Variants in SLC17A6 observed in about 807,000 individuals in gnomAD.
SLC17A6 encodes vesicular glutamate transporter 2.
SLC17A6 carries 35 observed loss-of-function variants against 67.1 expected under a neutral mutation model. The observed-to-expected ratio is 0.52, with a 90% CI of 0.40 to 0.69. The LOEUF is 0.69. SLC17A6 is among the 30% of genes least tolerant of loss of function. The pLI, the probability that SLC17A6 is intolerant of heterozygous loss-of-function variation, is 0.00. For missense variants in SLC17A6, 588 were observed against 723.9 expected, an observed-to-expected ratio of 0.81 and a Z score of 2.15; for synonymous variants, 285 against 252.3, an observed-to-expected ratio of 1.13 and a Z score of -1.23.
At chr11:22,345,688 A>C (rs1855868570) in intron 3 of SLC17A6, among the ~76,000 whole-genome samples, 1 of 152,190 alleles carries the variant, frequency 6.6e-6, no homozygotes, top group Non-Finnish European at 1.5e-5. Context: ...ATCTTGCCTG[A>C]AGATTCTGAC....
intron 3 of SLC17A6, among the ~76,000 whole-genome samples, chr11:22,350,251 A>G (rs1000755455): frequency 6.6e-6 from 1 of 152,140 alleles, no homozygotes; most frequent in Non-Finnish European, 1.5e-5. Context: ...ACACCTCTTG[A>G]TTTTGGCAAT....
intron 1 of SLC17A6, 31 bp from the exon 2 acceptor site, chr11:22,341,497 G>T (rs1008002258): frequency 6.2e-7 from 1 of 1,605,514 alleles, no homozygotes; most frequent in African/African-American, 1.3e-5. Context: ...AAGCCGCCAA[G>T]TCCTTGACTC....
chr11:22,349,327 C>T (rs1455641481), intron 3 of SLC17A6, among the ~76,000 whole-genome samples: 2 of 152,092 alleles, frequency 1.3e-5, no homozygotes, highest in East Asian at 1.9e-4. Flanking sequence ...CATCTAGCTG[C>T]CAATCAAACA....
At chr11:22,360,305 GAC>G (rs916958976) in intron 4 of SLC17A6, among the ~76,000 whole-genome samples, 17 of 151,852 alleles carry the variant, frequency 1.1e-4, no homozygotes, top group Admixed American at 2.6e-4. Context: ...GGAGGGGAAC[GAC>G]ACACACTGCA....
At position 22,377,670 on chromosome 11, in the gene SLC17A6, A is replaced by G. The variant is rs777572465; in HGVS notation, c.1679A>G (p.Lys560Arg). The change falls in exon 12 of 12, where the codon AAG becomes AGG. Residue 560 changes from lysine to arginine, a missense_variant. This residue lies in a region of SLC17A6 where 414 missense variants were observed against 563.4 expected (regional missense o/e 0.73). Transcript: ENST00000263160. Reference sequence around the variant, plus strand: ...GGAGGTTGGCCTAGTGGTTGGGAAAAGAAAGAGGAATTTGTACAAGGAGAA... The same window carrying G: ...GGAGGTTGGCCTAGTGGTTGGGAAAGGAAAGAGGAATTTGTACAAGGAGAA... ...ANGGWPSGWE[K>R]KEEFVQGEVQ... 6.2e-7 allele frequency: 1 copy of G among 1,613,162 alleles called. No homozygotes were observed. Among genetic ancestry groups the G allele is most frequent in the Admixed American group, 1.7e-5 (1 of 59,796 alleles).
At chr11:22,374,458 C>A (rs113607332) in intron 8 of SLC17A6, among the ~76,000 whole-genome samples, 8 of 151,688 alleles carry the variant, frequency 5.3e-5, no homozygotes, top group African/African-American at 1.9e-4. Flanking sequence ...AGGGTGTATT[C>A]GTGCAAACAC....
chr11:22,338,886 T>C (rs77408251), intron 1 of SLC17A6, among the ~76,000 whole-genome samples: 24,041 of 149,458 alleles, frequency 0.16, 2,360 homozygotes, highest in East Asian at 0.47. Flanking sequence ...AGAGTTTTTG[T>C]CCTTTACTAC....
intron 3 of SLC17A6, among the ~76,000 whole-genome samples, chr11:22,352,150 A>C (rs890547005): frequency 1.4e-5 from 2 of 146,754 alleles, no homozygotes; most frequent in Non-Finnish European, 3.0e-5. Context: ...TCAGAGGCTG[A>C]TGAGGATCTA....
chr11:22,345,806 A>T (rs994778759), intron 3 of SLC17A6, among the ~76,000 whole-genome samples: 32 of 152,286 alleles, frequency 2.1e-4, no homozygotes, highest in African/African-American at 7.0e-4. Flanking sequence ...TGTTATAACA[A>T]TATTGCACAT....
intron 1 of SLC17A6, among the ~76,000 whole-genome samples, chr11:22,341,038 T>C (rs1055932992): frequency 2.0e-5 from 3 of 152,174 alleles, no homozygotes; most frequent in African/African-American, 7.2e-5. Flanking sequence ...GGCTCTCTAG[T>C]TGGGCCCGCC....
At chr11:22,372,450 G>A (rs1407511307) in intron 8 of SLC17A6, among the ~76,000 whole-genome samples, 1 of 150,888 alleles carries the variant, frequency 6.6e-6, no homozygotes, top group African/African-American at 2.4e-5. Flanking sequence ...ACATATTCAG[G>A]CCCTTGAAAA....
At chr11:22,355,458 G>A (rs974844314) in intron 3 of SLC17A6, among the ~76,000 whole-genome samples, 5 of 152,092 alleles carry the variant, frequency 3.3e-5, no homozygotes, top group African/African-American at 1.2e-4. Context: ...GAACTTAGGT[G>A]GTTGTTAACC....
At chr11:22,344,048 A>G (rs919425236) in intron 3 of SLC17A6, among the ~76,000 whole-genome samples, 2 of 152,034 alleles carry the variant, frequency 1.3e-5, no homozygotes, top group African/African-American at 4.8e-5. Context: ...CATAAGACCT[A>G]AGGACCGATG....
chr11:22,341,772 A>G lies in SLC17A6; in HGVS notation c.331A>G (p.Ile111Val), dbSNP rs1230112951. The stretch of plus-strand genomic sequence containing the variant: ...CACCATCCACCGCGGGGGCAAGGTC[A>G]TCAAGGAGGTGGGCAACGTCTGGCC... Reference protein sequence around the residue: ...NSTIHRGGKVIKEKAKFNWDP... With the variant: ...NSTIHRGGKVVKEKAKFNWDP... The change falls in exon 2 of 12, where the codon ATC (isoleucine) becomes GTC (valine). Residue 111 changes from isoleucine (I) to valine (V), a missense_variant. Ile to Val is a conservative substitution (Grantham distance 29, BLOSUM62 3). This residue lies in a region of SLC17A6 where 48 missense variants were observed against 36.5 expected (regional missense o/e 1.32). Transcript: ENST00000263160. 1 of 1,613,660 alleles carries G rather than the reference A, an allele frequency of 6.2e-7. No homozygotes were observed. Among genetic ancestry groups the G allele is most frequent in the East Asian group, 2.2e-5 (1 of 44,870 alleles).
At chr11:22,375,037 A>C in intron 9 of SLC17A6, 150 bp downstream of exon 9, 1 of 835,680 alleles carries the variant, frequency 1.2e-6, no homozygotes, top group Non-Finnish European at 1.8e-6. Context: ...CTCATATTAC[A>C]TCAAATTTTT....
intron 3 of SLC17A6, among the ~76,000 whole-genome samples, chr11:22,357,786 T>C (rs1224621448): frequency 6.6e-6 from 1 of 152,184 alleles, no homozygotes; most frequent in East Asian, 1.9e-4. Context: ...GGATAAAAGT[T>C]TGTCCTCAAA....
intron 3 of SLC17A6, among the ~76,000 whole-genome samples, chr11:22,350,098 G>A (rs1855921844): frequency 2.0e-5 from 3 of 152,126 alleles, no homozygotes; most frequent in Non-Finnish European, 4.4e-5. Context: ...GTTTGTGGCT[G>A]TGGGTCATAG....
intron 8 of SLC17A6, among the ~76,000 whole-genome samples, chr11:22,370,493 C>A (rs1856163129): frequency 6.6e-6 from 1 of 152,076 alleles, no homozygotes; most frequent in South Asian, 2.1e-4. Flanking sequence ...ATAAACATAA[C>A]TCCCTTTAAG....
chr11:22,360,535 C>G (rs184132856), intron 4 of SLC17A6, among the ~76,000 whole-genome samples: 35 of 139,216 alleles, frequency 2.5e-4, no homozygotes, highest in African/African-American at 7.1e-4. Context: ...TTCCCCCCCC[C>G]CCAAAAAAAA....
Sources: gnomAD v4.1 joint callset for allele counts (sites outside exome capture counted in the v4.1 genomes callset) on GRCh38, gnomAD v4.1.1 for gene constraint, gnomAD v4.1.1 regional missense constraint, MANE v1.5 for transcripts, NCBI Gene and HGNC (gene_info 2026-07-23, HGNC 2026-07-21) for gene names.